PCSK5: variants seen among roughly 807,000 people sequenced by gnomAD.
The protein encoded by PCSK5 is proprotein convertase subtilisin/kexin type 5.
A neutral mutation model predicts 233.2 loss-of-function variants in PCSK5; 129 were observed. The observed-to-expected ratio is 0.55, with a 90% CI of 0.48 to 0.64. The LOEUF is 0.64. Ranked by LOEUF, PCSK5 falls within the 30% of genes least tolerant of loss-of-function variation. The pLI is 0.00. For synonymous variants in PCSK5, 825 were observed against 879.2 expected (o/e 0.94, Z 1.09); for missense variants, 2,076 against 2,430.1 (o/e 0.85, Z 3.06).
intron 8 of PCSK5, among the ~76,000 whole-genome samples, chr9:76,106,454 G>A (rs1046324323): frequency 2.6e-5 from 4 of 152,182 alleles, no homozygotes; most frequent in South Asian, 2.1e-4. Context: ...GAGAAACATT[G>A]CCTTTGCTGG....
At chr9:76,035,659 G>T (rs978222381) in intron 5 of PCSK5, among the ~76,000 whole-genome samples, 1 of 152,092 alleles carries the variant, frequency 6.6e-6, no homozygotes, top group Non-Finnish European at 1.5e-5. Flanking sequence ...GATGGAAATC[G>T]CAGTAAAGGA....
At chr9:75,962,904 T>A (rs868969) in intron 2 of PCSK5, among the ~76,000 whole-genome samples, 92,215 of 151,978 alleles carry the variant, frequency 0.61, 28,426 homozygotes, top group East Asian at 0.81. Context: ...TGTGTGTTGG[T>A]TAATCGCATG....
intron 10 of PCSK5, among the ~76,000 whole-genome samples, chr9:76,154,383 T>A (rs751365306): frequency 6.6e-6 from 1 of 152,222 alleles, no homozygotes; most frequent in Non-Finnish European, 1.5e-5. Flanking sequence ...GTTTGCTGTA[T>A]CTGATTGTTC....
At chr9:76,229,132 C>G (rs1440919266) in intron 21 of PCSK5, among the ~76,000 whole-genome samples, 1 of 152,220 alleles carries the variant, frequency 6.6e-6, no homozygotes, top group African/African-American at 2.4e-5. Context: ...CCAAGTGTCT[C>G]TTTAAAATAA....
intron 12 of PCSK5, 142 bp downstream of exon 12, chr9:76,159,313 T>A (rs1177002643): frequency 1.5e-6 from 1 of 682,368 alleles, no homozygotes; most frequent in Non-Finnish European, 2.4e-6. Flanking sequence ...TCACTGCTCA[T>A]AAGTAGAGAG....
At chr9:76,210,297 C>T (rs1221110114) in intron 20 of PCSK5, among the ~76,000 whole-genome samples, 3 of 152,116 alleles carry the variant, frequency 2.0e-5, no homozygotes, top group Non-Finnish European at 4.4e-5. Context: ...ATAACATAGG[C>T]CTCAGAGTTT....
In PCSK5 at chr9:76,321,534, G is replaced by A. The variant is rs781133062; in HGVS notation, c.3997G>A (p.Gly1333Arg). 130 of 1,611,388 alleles carry A rather than the reference G, an allele frequency of 8.1e-5. No homozygotes were observed. Among genetic ancestry groups the A allele is most frequent in the Middle Eastern group, 3.3e-4 (2 of 6,078 alleles). The change falls in exon 31 of 38, where the codon GGA (glycine) becomes AGA (arginine). Residue 1333 changes from glycine to arginine, a missense_variant. This residue lies in a region of PCSK5 where 1,510 missense variants were observed against 1,538.1 expected (regional missense o/e 0.98). Coordinates refer to ENST00000674117, the MANE Select transcript of PCSK5 (RefSeq NM_001372043.1). ...SCEGGHVLHH[G>R]VCQENCPERH... ...TGAAGGAGGCCACGTCCTGCACCAC[G>A]GAGTGTGCCAGGAAAACTGCCCCGA...
At chr9:75,896,250 A>G (rs1327648861) in intron 1 of PCSK5, among the ~76,000 whole-genome samples, 1 of 152,078 alleles carries the variant, frequency 6.6e-6, no homozygotes, top group Non-Finnish European at 1.5e-5. Flanking sequence ...TGCTGCATTA[A>G]CCTCATAGAT....
At chr9:76,313,592 G>A (rs1828932958) in intron 30 of PCSK5, among the ~76,000 whole-genome samples, 1 of 152,162 alleles carries the variant, frequency 6.6e-6, no homozygotes, top group Admixed American at 6.5e-5. Flanking sequence ...CCAGCTATCA[G>A]GAGCCCAAGG....
intron 24 of PCSK5, among the ~76,000 whole-genome samples, chr9:76,254,040 C>T (rs1826899624): frequency 6.6e-6 from 1 of 152,064 alleles, no homozygotes; most frequent in African/African-American, 2.4e-5. Context: ...AATTCAGGAC[C>T]AGGTTGATAG....
At chr9:75,978,267 G>A (rs184418243) in intron 2 of PCSK5, among the ~76,000 whole-genome samples, 62 of 152,244 alleles carry the variant, frequency 4.1e-4, no homozygotes, top group East Asian at 7.7e-4. Flanking sequence ...GTCAAGCATC[G>A]TCTTTGGTAC....
At chr9:76,169,551 AT>A (rs1823239155) in intron 12 of PCSK5, among the ~76,000 whole-genome samples, 152 bp from the exon 13 acceptor site, 1 of 151,972 alleles carries the variant, frequency 6.6e-6, no homozygotes, top group African/African-American at 2.4e-5. Context: ...GTATATATAT[AT>A]ATCTGCAAAT....
Position 76,239,117 on chromosome 9 carries a change from T to C in PCSK5, c.3025T>C (p.Phe1009Leu). 1 of 1,601,736 alleles carries C rather than the reference T, an allele frequency of 6.2e-7. No homozygotes were observed. Among genetic ancestry groups the C allele is most frequent in the Non-Finnish European group, 8.5e-7 (1 of 1,174,596 alleles). The change falls in exon 23 of 38, where the codon TTC (phenylalanine) becomes CTC (leucine). Residue 1009 changes from phenylalanine to leucine, a missense_variant. Around this residue, in one of 6 missense-constraint regions of PCSK5, gnomAD observed 1,510 missense variants for 1,538.1 expected, o/e 0.98. Transcript: ENST00000674117. ...HVCTRCMKGY[F>L]IAPTNHTCQK... Reference sequence around the variant, plus strand: ...CTGCACAAGATGCATGAAGGGCTACTTCATAGCGCCCACCAACCACACATG... The same window carrying C: ...CTGCACAAGATGCATGAAGGGCTACCTCATAGCGCCCACCAACCACACATG...
chr9:76,262,243 C>A (rs974932429), intron 24 of PCSK5, among the ~76,000 whole-genome samples: 2 of 152,104 alleles, frequency 1.3e-5, no homozygotes, highest in African/African-American at 2.4e-5. Context: ...ATCAAGCTAC[C>A]AATGACTTTC....
chr9:76,058,886 T>C lies in PCSK5; in HGVS notation c.633-9069T>C, dbSNP rs957267111. 5.3e-5 allele frequency among the ~76,000 whole-genome samples: 8 copies of C among 152,282 alleles called. No individual in the cohort carries two copies. In the South Asian group the frequency reaches 1.7e-3, roughly 32 times the overall value. On this transcript the variant is annotated intron_variant, in intron 5 of 37. Transcript: ENST00000674117. ...TAAGCCAGACATGGTAGCACACACCTGTAGGCCCAGCTACTTGGGAAGCTG... is the reference window on the plus strand; with the variant it reads ...TAAGCCAGACATGGTAGCACACACCCGTAGGCCCAGCTACTTGGGAAGCTG...
intron 1 of PCSK5, among the ~76,000 whole-genome samples, chr9:75,925,500 T>TGCCCCAAATGC (rs1823446108): frequency 6.6e-6 from 1 of 152,190 alleles, no homozygotes; most frequent in Non-Finnish European, 1.5e-5. Context: ...GGGCTAACAT[T>TGCCCCAAATGC]CTAGTGGGGA....
chr9:75,924,721 G>A (rs1431191262), intron 1 of PCSK5, among the ~76,000 whole-genome samples: 1 of 152,138 alleles, frequency 6.6e-6, no homozygotes, highest in Non-Finnish European at 1.5e-5. Flanking sequence ...TCCCCTCTCT[G>A]TACAACTCTT....
intron 8 of PCSK5, among the ~76,000 whole-genome samples, 175 bp downstream of exon 8, chr9:76,096,277 C>T (rs1455506897): frequency 6.6e-6 from 1 of 151,874 alleles, no homozygotes; most frequent in Non-Finnish European, 1.5e-5. Context: ...GTAAACATTA[C>T]CAATTGAAAA....
chr9:75,890,674 C>T lies in PCSK5; in HGVS notation c.-508C>T. ...TGCAGAGCAGGAGCTGCTGCCATTG[C>T]CACTCAGAATCCTCGCGCGCTGCTC... On this transcript the variant is annotated 5_prime_UTR_variant, in exon 1 of 38. Coordinates refer to ENST00000674117, the MANE Select transcript of PCSK5 (RefSeq NM_001372043.1). 6.5e-6 allele frequency: 1 copy of T among 154,174 alleles called. No individual in the cohort carries two copies. The highest frequency in any genetic ancestry group is 1.4e-5 in the Non-Finnish European group (1 of 69,060). The allele number at this position is 154,174 out of a possible 1,614,324, so 9.6% of individuals were successfully genotyped here. A position where few individuals can be genotyped will look rare whatever the true frequency, so the allele number is the denominator to read the frequency against.
Sources: gnomAD v4.1 joint callset for allele counts (sites outside exome capture counted in the v4.1 genomes callset) on GRCh38, gnomAD v4.1.1 for gene constraint, gnomAD v4.1.1 regional missense constraint, MANE v1.5 for transcripts, NCBI Gene and HGNC (gene_info 2026-07-23, HGNC 2026-07-21) for gene names.